PIK3C2B: variants seen among roughly 807,000 people sequenced by gnomAD.
PIK3C2B encodes the protein phosphatidylinositol 4-phosphate 3-kinase C2 domain-containing subunit beta.
A neutral mutation model predicts 184.3 loss-of-function variants in PIK3C2B; 83 were observed. The observed-to-expected ratio is 0.45, with a 90% confidence interval of 0.38 to 0.54. PIK3C2B has a LOEUF of 0.54. Ranked by LOEUF, PIK3C2B falls within the 20% of genes least tolerant of loss-of-function variation. PIK3C2B has a pLI of 0.00. For missense variants in PIK3C2B, 1,736 were observed against 2,113.5 expected, an observed-to-expected ratio of 0.82 and a Z score of 3.50; for synonymous variants, 779 against 837.6, an observed-to-expected ratio of 0.93 and a Z score of 1.21.
chr1:204,445,601 CAAA>C (rs11287807), intron 16 of PIK3C2B, among the ~76,000 whole-genome samples: 11 of 121,612 alleles, frequency 9.0e-5, no homozygotes, highest in South Asian at 2.6e-4. Flanking sequence ...GACCCTGTCT[CAAA>C]AAAAAAAAAA....
intron 29 of PIK3C2B, among the ~76,000 whole-genome samples, chr1:204,429,392 G>A (rs935681416): frequency 1.3e-5 from 2 of 152,112 alleles, no homozygotes; most frequent in African/African-American, 4.8e-5. Flanking sequence ...TACTATAAAT[G>A]CTAAGGGAAA....
intron 1 of PIK3C2B, among the ~76,000 whole-genome samples, chr1:204,488,066 T>G (rs909413495): frequency 1.3e-5 from 2 of 152,220 alleles, no homozygotes; most frequent in Non-Finnish European, 2.9e-5. Flanking sequence ...CTGGTATTAT[T>G]ATTTCCCTCA....
At position 204,443,651 on chromosome 1, in the gene PIK3C2B, G is replaced by T. The variant is rs1653577617; in HGVS notation, c.2868-54C>A. On this transcript the variant is annotated intron_variant, in intron 18 of 32. Transcript: ENST00000684373. ...GGCACTCCAGGGATCAAAGGCAAGG[G>T]TACAGGGGGAGACAGAGTCAGGCCC... 4 of 1,530,958 alleles carry T rather than the reference G, an allele frequency of 2.6e-6. No individual in the cohort carries two copies. The African/African-American group carries it at 4.1e-5, about 16-fold the overall frequency. 94.8% of individuals were successfully genotyped at this position (1,530,958 alleles called of 1,614,324 possible).
intron 1 of PIK3C2B, among the ~76,000 whole-genome samples, chr1:204,474,584 T>C (rs112449644): frequency 5.9e-5 from 9 of 152,260 alleles, no homozygotes; most frequent in African/African-American, 2.2e-4. Context: ...TTTTTTCTTG[T>C]TCTCCATCTC....
rs540548064 is a variant in PIK3C2B, at chr1:204,461,998, T to C, written c.1311-1337A>G. ...CCCCATCCCAGGCAGTTGTCATGTG[T>C]TGGGGGTCTGGGGGCTGGGCCAGGA... On this transcript the variant is annotated intron_variant, in intron 5 of 32. Transcript: ENST00000684373. 2.0e-5 allele frequency among the ~76,000 whole-genome samples: 3 copies of C among 151,706 alleles called. No homozygotes were observed. In the South Asian group the frequency reaches 6.3e-4, roughly 32 times the overall value.
chr1:204,486,996 C>T (rs1193481516), intron 1 of PIK3C2B, among the ~76,000 whole-genome samples: 1 of 152,144 alleles, frequency 6.6e-6, no homozygotes, highest in Non-Finnish European at 1.5e-5. Flanking sequence ...TCAGTAGAGA[C>T]AGGGTTTCAT....
At chr1:204,434,378 G>C (rs886108446) in intron 24 of PIK3C2B, 61 bp downstream of exon 24, 5 of 1,490,122 alleles carry the variant, frequency 3.4e-6, no homozygotes, top group Non-Finnish European at 4.7e-6. Flanking sequence ...TCCCAGCTCT[G>C]AACCACTGTT....
At chr1:204,472,407 C>T (rs1243867829) in intron 1 of PIK3C2B, among the ~76,000 whole-genome samples, 7 of 151,866 alleles carry the variant, frequency 4.6e-5, no homozygotes, top group South Asian at 2.1e-4. Context: ...TCGTGATCCA[C>T]CCAGCTCGGC....
At chr1:204,439,258 T>C (rs9658849) in intron 22 of PIK3C2B, among the ~76,000 whole-genome samples, 187 bp from the exon 23 acceptor site, 5,661 of 152,302 alleles carry the variant, frequency 0.037, 129 homozygotes, top group Middle Eastern at 0.068. Flanking sequence ...TATTCCATAC[T>C]GTGACTTTTT....
intron 1 of PIK3C2B, among the ~76,000 whole-genome samples, chr1:204,475,281 C>A (rs560130471): frequency 2.0e-5 from 3 of 152,200 alleles, no homozygotes; most frequent in African/African-American, 7.2e-5. Flanking sequence ...GTGATACCTC[C>A]GTGACTTGGT....
chr1:204,439,831 G>A lies in PIK3C2B; in HGVS notation c.3379+361C>T, dbSNP rs1572302338. On this transcript the variant is annotated intron_variant, in intron 22 of 32. Transcript: ENST00000684373. ...TTATAATTTTTATTAGAGATGAGGT[G>A]TCTAGGTTGGTCCCAAACATTCCTG... 2.0e-5 allele frequency among the ~76,000 whole-genome samples: 3 copies of A among 152,132 alleles called. No homozygotes were observed. The South Asian group carries it at 6.2e-4, about 32-fold the overall frequency.
intron 28 of PIK3C2B, 138 bp from the exon 29 acceptor site, chr1:204,430,176 A>AC (rs1315102404): frequency 7.9e-6 from 5 of 635,978 alleles, no homozygotes; most frequent in Non-Finnish European, 1.4e-5. Context: ...ATTTCTAGGG[A>AC]CCCTCACAAT....
intron 2 of PIK3C2B, among the ~76,000 whole-genome samples, chr1:204,467,535 G>A (rs1002367721): frequency 6.6e-6 from 1 of 152,112 alleles, no homozygotes; most frequent in African/African-American, 2.4e-5. Flanking sequence ...ATGCTAAGCT[G>A]TCACAGAAGG....
At chr1:204,453,777 AT>A (rs35689799) in intron 12 of PIK3C2B, among the ~76,000 whole-genome samples, 11 of 148,094 alleles carry the variant, frequency 7.4e-5, no homozygotes, top group African/African-American at 1.7e-4. Flanking sequence ...CTAACATTTA[AT>A]TTTTTTTTTT....
In PIK3C2B at chr1:204,432,233, G is replaced by A. The variant is rs1675100551; in HGVS notation, c.4122C>T (p.Arg1374=). Residue 1374 remains arginine, a synonymous_variant, in exon 27 of 33, where the codon CGC becomes CGT. Transcript: ENST00000684373. ...SGRISDVFLC[R]HEKIFHPNKG... ...TGTTGGGGTGGAAGATCTTCTCATG[G>A]CGGCAGAGGAAAACATCACTGATTC... 3 of 1,614,100 alleles carry A rather than the reference G, an allele frequency of 1.9e-6. No homozygotes were observed. The South Asian group carries it at 3.3e-5, about 18-fold the overall frequency.
chr1:204,462,487 G>A (rs1010581418), intron 5 of PIK3C2B, among the ~76,000 whole-genome samples: 7 of 152,290 alleles, frequency 4.6e-5, no homozygotes, highest in African/African-American at 1.2e-4. Flanking sequence ...GTGTAATGGC[G>A]TCAGCAGGAG....
At position 204,424,684 on chromosome 1, in the gene PIK3C2B, G is replaced by T; in HGVS notation, c.*168C>A. On this transcript the variant is annotated 3_prime_UTR_variant, in exon 33 of 33. Transcript: ENST00000684373. Reference sequence around the variant, plus strand: ...AGTCTCCAGAGGAAGAGACAGCAGAGCATGTCTTACTCTCCCTGCCTCCTA... The same window carrying T: ...AGTCTCCAGAGGAAGAGACAGCAGATCATGTCTTACTCTCCCTGCCTCCTA... The T allele has an allele frequency of 1.3e-6, 1 of 776,376 alleles. No homozygotes were observed. Among genetic ancestry groups the T allele is most frequent in the Non-Finnish European group, 2.3e-6 (1 of 429,570 alleles). 48.1% of individuals were successfully genotyped at this position (776,376 alleles called of 1,614,324 possible). A position where few individuals can be genotyped will look rare whatever the true frequency, so the allele number is the denominator to read the frequency against.
chr1:204,449,828 C>T (rs1386391885), intron 13 of PIK3C2B, 22 bp downstream of exon 13: 1 of 1,580,748 alleles, frequency 6.3e-7, no homozygotes. Flanking sequence ...GGCCAAGAAG[C>T]TGTACCCTGG....
chr1:204,473,989 CTTTTT>C (rs71145092), intron 1 of PIK3C2B, among the ~76,000 whole-genome samples: 16 of 115,162 alleles, frequency 1.4e-4, no homozygotes, highest in African/African-American at 5.4e-4. Flanking sequence ...CTCCCCTTGA[CTTTTT>C]TTTTTTTTTT....
Sources: gnomAD v4.1 joint callset for allele counts (sites outside exome capture counted in the v4.1 genomes callset) on GRCh38, gnomAD v4.1.1 for gene constraint, MANE v1.5 for transcripts, NCBI Gene and HGNC (gene_info 2026-07-23, HGNC 2026-07-21) for gene names.